Variants in UVSSA observed in about 807,000 individuals in gnomAD.
The protein encoded by UVSSA is UV stimulated scaffold protein A.
A neutral mutation model predicts 73.9 loss-of-function variants in UVSSA; 72 were observed. The observed-to-expected ratio is 0.97, with a 90% CI of 0.81 to 1.19. The LOEUF (loss-of-function observed/expected upper bound fraction) is 1.19. Ranked by LOEUF, UVSSA falls within the 50% of genes most tolerant of loss-of-function variation. UVSSA has a pLI of 0.00. For synonymous variants in UVSSA, 454 were observed against 391.3 expected (o/e 1.16, Z -1.89); for missense variants, 1,150 against 965.0 (o/e 1.19, Z -2.54).
At chr4:1,394,588 C>A (rs530731346) in exon 14 of UVSSA, 1 of 1,412,212 alleles carries the variant, frequency 7.1e-7, no homozygotes, top group African/African-American at 2.2e-5. Flanking sequence ...CCCGCCTGCT[C>A]ATGTGCCCAT....
chr4:1,353,084 T>C lies in UVSSA; in HGVS notation c.605T>C (p.Leu202Pro), dbSNP rs537542108. 5.0e-6 allele frequency: 8 copies of C among 1,613,062 alleles called. No homozygotes were observed. The East Asian group carries it at 1.6e-4, about 31-fold the overall frequency. Residue 202 changes from leucine (L) to proline (P), a missense_variant, in exon 5 of 14, where the codon CTG becomes CCG. Coordinates refer to ENST00000389851, the MANE Select transcript of UVSSA (RefSeq NM_020894.4). ...CLTEVESCFR[L>P]LVPFDFDPNP... ...ACGGAGGTAGAGAGCTGCTTTAGGC[T>C]GCTGGTGCCTTTTGACTTTGACCCG...
intron 13 of UVSSA, chr4:1,384,862 T>G (rs1719911108): frequency 6.6e-6 from 1 of 152,276 alleles, no homozygotes; most frequent in South Asian, 2.1e-4. Context: ...CAGACCAGGC[T>G]TCCCCCAGGC....
intron 12 of UVSSA, 69 bp from the exon 13 acceptor site, chr4:1,383,697 T>A: frequency 6.3e-7 from 1 of 1,593,512 alleles, no homozygotes; most frequent in South Asian, 1.1e-5. Flanking sequence ...GAGCCCCTCC[T>A]GGGGGCCTCG....
chr4:1,395,048 C>A lies in UVSSA; in HGVS notation c.*9087C>A, dbSNP rs148951627. 6.3e-4 allele frequency: 860 copies of A among 1,365,698 alleles called. 140 individuals carry two copies. The highest frequency in any genetic ancestry group is 2.2e-3 in the African/African-American group (144 of 64,812). 84.6% of individuals were successfully genotyped at this position (1,365,698 alleles called of 1,614,324 possible). A position where few individuals can be genotyped will look rare whatever the true frequency, so the allele number is the denominator to read the frequency against. ...CGTGCCCATGTGGAGTGCCCGCCTG[C>A]TCACACGTGCCAACGTGGAGTGCCC... On this transcript the variant is annotated 3_prime_UTR_variant, in exon 14 of 14. Transcript: ENST00000511216.
chr4:1,394,264 T>C, exon 14 of UVSSA: 1 of 760,668 alleles, frequency 1.3e-6, no homozygotes, highest in Non-Finnish European at 2.1e-6. Context: ...TCCTCAGATC[T>C]TCCTTTCATG....
intron 8 of UVSSA, among the ~76,000 whole-genome samples, chr4:1,371,355 C>T (rs1016189509): frequency 1.3e-5 from 2 of 152,002 alleles, no homozygotes; most frequent in African/African-American, 4.8e-5. Context: ...CTGTTTTTGA[C>T]GCTCTGTTCT....
At chr4:1,381,597 C>A (rs2109304349) in intron 12 of UVSSA, among the ~76,000 whole-genome samples, 2 of 152,346 alleles carry the variant, frequency 1.3e-5, no homozygotes, top group South Asian at 4.1e-4. Context: ...CCCATCTGCC[C>A]ACCCTGCATA....
In UVSSA at chr4:1,394,774, CAT is replaced by C. The variant is rs201311249; in HGVS notation, c.*8814_*8815del. The stretch of plus-strand genomic sequence containing the variant: ...CCCATGTGGAGTGCCCACCTGCTCA[CAT>C]GTGCCGATGTGGAGTGCCACCTGCT... On this transcript the variant is annotated 3_prime_UTR_variant, in exon 14 of 14. Transcript: ENST00000511216. 1.9e-3 allele frequency: 2,983 copies of C among 1,562,612 alleles called. 89 individuals are homozygous for C. The African/African-American group carries it at 0.037, about 20-fold the overall frequency.
At chr4:1,367,419 G>A (rs551736848) in intron 8 of UVSSA, among the ~76,000 whole-genome samples, 1 of 152,144 alleles carries the variant, frequency 6.6e-6, no homozygotes, top group Non-Finnish European at 1.5e-5. Flanking sequence ...ATGTAGATTT[G>A]TTAAGAGAAC....
chr4:1,344,764 A>G (rs940996556), upstream of UVSSA, among the ~76,000 whole-genome samples: 2 of 152,356 alleles, frequency 1.3e-5, no homozygotes, highest in Admixed American at 6.5e-5. Flanking sequence ...AAGGGCCAGA[A>G]GTGCCCTGGG....
At position 1,380,146 on chromosome 4, in the gene UVSSA, T is replaced by C; in HGVS notation, c.1668T>C (p.Phe556=). 6.2e-7 allele frequency: 1 copy of C among 1,613,216 alleles called. No individual in the cohort carries two copies. The highest frequency in any genetic ancestry group is 1.1e-5 in the South Asian group (1 of 91,074). ...SEMLRSRHIT[F]AGKFEPVQHW... Reference sequence around the variant, plus strand: ...TGCTCCGGAGCCGCCACATCACTTTTGCCGGGAAGTTTGAGCCTGTGCAGC... The same window carrying C: ...TGCTCCGGAGCCGCCACATCACTTTCGCCGGGAAGTTTGAGCCTGTGCAGC... Residue 556 remains phenylalanine (F), a synonymous_variant, in exon 11 of 14, where the codon TTT becomes TTC. Transcript: ENST00000389851.
intron 7 of UVSSA, among the ~76,000 whole-genome samples, chr4:1,360,897 C>G (rs947705158): frequency 1.3e-5 from 2 of 152,226 alleles, no homozygotes; most frequent in Admixed American, 6.5e-5. Flanking sequence ...TTCCTGAGCA[C>G]TGCACCCAGT....
chr4:1,369,630 C>T (rs1717775085), intron 8 of UVSSA, among the ~76,000 whole-genome samples: 1 of 152,224 alleles, frequency 6.6e-6, no homozygotes, highest in African/African-American at 2.4e-5. Context: ...CTCCAATTTA[C>T]ATTTTAATTA....
chr4:1,379,014 T>C (rs551136778), intron 10 of UVSSA, among the ~76,000 whole-genome samples: 1 of 150,738 alleles, frequency 6.6e-6, no homozygotes, highest in African/African-American at 2.4e-5. Flanking sequence ...CTACTGCTGG[T>C]CCCTTCTCCC....
chr4:1,347,888 G>A (rs1194584108), intron 1 of UVSSA, 128 bp downstream of exon 1: 3 of 570,780 alleles, frequency 5.3e-6, no homozygotes, highest in Non-Finnish European at 9.4e-6. Context: ...CGAGTTTAAG[G>A]TTCACTTTTA....
At chr4:1,370,404 G>A (rs751942024) in intron 8 of UVSSA, among the ~76,000 whole-genome samples, 1 of 152,256 alleles carries the variant, frequency 6.6e-6, no homozygotes, top group Non-Finnish European at 1.5e-5. Context: ...GCTGCCCGGT[G>A]TCTCCCGGGT....
At chr4:1,380,276 G>A (rs772206658) in intron 11 of UVSSA, 46 bp downstream of exon 11, 75 of 1,577,476 alleles carry the variant, frequency 4.8e-5, no homozygotes, top group Non-Finnish European at 5.7e-5. Context: ...GCTGGACCAG[G>A]TGGGGCAGCC....
chr4:1,376,180 T>C lies in UVSSA; in HGVS notation c.1568+12T>C, dbSNP rs143543668. On this transcript the variant is annotated intron_variant, in intron 10 of 13. Transcript: ENST00000389851. ...GGGAAGATTGTCAAGTGAGTCCCCA[T>C]GTGTCTGAAGTCGGCCAGGGCACAC... The C allele has an allele frequency of 1.3e-3, 2,128 of 1,604,862 alleles. 29 individuals are homozygous for C. The African/African-American group carries it at 0.024, about 18-fold the overall frequency.
At chr4:1,347,865 AT>A (rs1713955531) in intron 1 of UVSSA, 105 bp downstream of exon 1, 6 of 536,332 alleles carry the variant, frequency 1.1e-5, no homozygotes, top group Non-Finnish European at 2.0e-5. Flanking sequence ...CACACACGGG[AT>A]TGTAGAGGTC....
Sources: allele counts gnomAD v4.1 joint callset (sites outside exome capture counted in the v4.1 genomes callset), GRCh38; gene constraint gnomAD v4.1.1; transcripts MANE v1.5; gene names NCBI Gene and HGNC (gene_info 2026-07-23, HGNC 2026-07-21).